EXT2: variants seen among roughly 807,000 people sequenced by gnomAD.
EXT2 encodes the protein exostosin glycosyltransferase 2.
A neutral mutation model predicts 81.6 loss-of-function variants in EXT2; 53 were observed. The observed-to-expected ratio is 0.65, with a 90% CI of 0.52 to 0.82. EXT2 has a LOEUF of 0.82. Among genes scored for constraint, EXT2 ranks in the 40% least tolerant of loss-of-function variants. The pLI is 0.00. For synonymous variants in EXT2, 320 were observed against 340.0 expected (o/e 0.94, Z 0.65); for missense variants, 774 against 910.2 (o/e 0.85, Z 1.93).
Position 44,206,253 on chromosome 11 carries a change from C to T in EXT2, c.1496-540C>T, listed in dbSNP as rs566244877. On this transcript the variant is annotated intron_variant, in intron 9 of 13. Transcript: ENST00000533608. Reference sequence around the variant, plus strand: ...GACTGCATGATGGAGGTGGGCACGTCGGGGACCTTCGGCACATGCACTATA... The same window carrying T: ...GACTGCATGATGGAGGTGGGCACGTTGGGGACCTTCGGCACATGCACTATA... Among the ~76,000 whole-genome samples the T allele has an allele frequency of 1.1e-4, 17 of 152,290 alleles. No homozygotes were observed. In the East Asian group the frequency reaches 1.2e-3, roughly 10 times the overall value.
At position 44,248,520 on chromosome 11, in the gene EXT2, G is replaced by C. The variant is rs538084936; in HGVS notation, c.*4233G>C. On this transcript the variant is annotated 3_prime_UTR_variant, in exon 14 of 14. Transcript: ENST00000533608. ...CTGAGTAGAATCAAGGGCAGCATTT[G>C]GTCCCATTATACCAGCCATGCATCA... Among the ~76,000 whole-genome samples, 3 of 152,292 alleles carry C rather than the reference G, an allele frequency of 2.0e-5. No homozygotes were observed. The highest frequency in any genetic ancestry group is 4.1e-4 in the South Asian group (2 of 4,820).
At chr11:44,185,747 A>G (rs944604928) in intron 8 of EXT2, among the ~76,000 whole-genome samples, 2 of 152,172 alleles carry the variant, frequency 1.3e-5, no homozygotes, top group African/African-American at 2.4e-5. Context: ...TGGATGCCAT[A>G]AGCTGTAATT....
intron 5 of EXT2, among the ~76,000 whole-genome samples, 188 bp downstream of exon 5, chr11:44,125,172 G>A (rs1025940356): frequency 7.2e-5 from 11 of 152,140 alleles, no homozygotes; most frequent in African/African-American, 2.7e-4. Context: ...TCTTGTGTTC[G>A]TGCAAAGCTG....
chr11:44,209,637 T>G (rs191395538), intron 10 of EXT2, among the ~76,000 whole-genome samples: 127 of 152,312 alleles, frequency 8.3e-4, no homozygotes, highest in African/African-American at 3.0e-3. Flanking sequence ...AGGGGAGTTA[T>G]ATTGGATCCC....
At chr11:44,183,148 G>A (rs555041555) in intron 8 of EXT2, among the ~76,000 whole-genome samples, 1 of 152,326 alleles carries the variant, frequency 6.6e-6, no homozygotes, top group South Asian at 2.1e-4. Flanking sequence ...AACACATGAT[G>A]TCAATTTGTC....
At chr11:44,116,536 G>A (rs529045602) in intron 4 of EXT2, 3 of 152,338 alleles carry the variant, frequency 2.0e-5, no homozygotes, top group Admixed American at 6.5e-5. Context: ...GAGCAGAACT[G>A]CTGGGTCATA....
intron 1 of EXT2, among the ~76,000 whole-genome samples, chr11:44,102,223 T>C (rs1264932135): frequency 2.0e-5 from 3 of 152,204 alleles, no homozygotes; most frequent in Non-Finnish European, 2.9e-5. Flanking sequence ...TAGACCTTTA[T>C]AGGGCTGTTG....
At chr11:44,240,940 G>A (rs1379334933) in intron 13 of EXT2, among the ~76,000 whole-genome samples, 1 of 152,142 alleles carries the variant, frequency 6.6e-6, no homozygotes, top group Non-Finnish European at 1.5e-5. Context: ...GAGTAGCTGG[G>A]ATTATAAATA....
chr11:44,108,030 G>GTATATC lies in EXT2; in HGVS notation c.322_327dup (p.Ile108_Tyr109dup). On this transcript the variant is annotated inframe_insertion, in exon 2 of 14. Transcript: ENST00000533608. ...TCAACCCAAAGAACAAAATCAAGGTGTATATCTATGCTCTGAAAAAGTACG... is the reference window on the plus strand; with the variant it reads ...TCAACCCAAAGAACAAAATCAAGGTGTATATCTATATCTATGCTCTGAAAAAGTACG... 1 of 1,614,156 alleles carries GTATATC rather than the reference G, an allele frequency of 6.2e-7. No homozygotes were observed.
intron 7 of EXT2, among the ~76,000 whole-genome samples, chr11:44,148,540 G>A (rs577500672): frequency 6.6e-5 from 10 of 152,264 alleles, no homozygotes; most frequent in African/African-American, 2.4e-4. Flanking sequence ...AGCAGGACCA[G>A]TAAACCCCCA....
intron 8 of EXT2, among the ~76,000 whole-genome samples, chr11:44,195,476 T>A (rs1955445078): frequency 6.6e-6 from 1 of 152,048 alleles, no homozygotes; most frequent in Non-Finnish European, 1.5e-5. Flanking sequence ...CTATTGTGTC[T>A]CTTGGTTGTG....
At chr11:44,211,456 A>G (rs78876515) in intron 10 of EXT2, among the ~76,000 whole-genome samples, 1 of 152,372 alleles carries the variant, frequency 6.6e-6, no homozygotes, top group African/African-American at 2.4e-5. Context: ...TGAAAAAAGA[A>G]TGAAATTTTG....
chr11:44,166,953 G>C (rs867139591), intron 7 of EXT2, among the ~76,000 whole-genome samples: 1 of 152,172 alleles, frequency 6.6e-6, no homozygotes, highest in Non-Finnish European at 1.5e-5. Context: ...AATTATAAAA[G>C]TTTATTTAAA....
intron 10 of EXT2, among the ~76,000 whole-genome samples, chr11:44,224,095 T>C (rs1338800577): frequency 1.3e-5 from 2 of 152,224 alleles, no homozygotes; most frequent in Non-Finnish European, 2.9e-5. Context: ...GTAAAGCGTA[T>C]ACAGGCTCTC....
At chr11:44,187,089 C>T (rs975882995) in intron 8 of EXT2, among the ~76,000 whole-genome samples, 24 of 140,928 alleles carry the variant, frequency 1.7e-4, no homozygotes, top group African/African-American at 5.9e-4. Context: ...TCCCTCCCTT[C>T]TGCAGCGGCA....
chr11:44,171,278 A>G (rs969520407), intron 7 of EXT2, among the ~76,000 whole-genome samples: 1 of 152,250 alleles, frequency 6.6e-6, no homozygotes, highest in Admixed American at 6.5e-5. Flanking sequence ...TGAGCTGTAC[A>G]CAAGATTTGT....
At chr11:44,179,787 G>T (rs985437407) in intron 8 of EXT2, among the ~76,000 whole-genome samples, 4 of 152,102 alleles carry the variant, frequency 2.6e-5, no homozygotes, top group African/African-American at 9.7e-5. Flanking sequence ...TAATAAATGG[G>T]TCATTACAGC....
At position 44,114,230 on chromosome 11, in the gene EXT2, A is replaced by G. The variant is rs1954188664; in HGVS notation, c.672A>G (p.Gln224=). Residue 224 remains glutamine, a synonymous_variant, in exon 4 of 14, where the codon CAA becomes CAG. Coordinates refer to ENST00000533608, the MANE Select transcript of EXT2 (RefSeq NM_207122.2). ...GCTTTTCTACGTGGACTTACCGGCA[A>G]GGCTACGATGTCAGCATTCCTGTCT... ...GGGFSTWTYR[Q]GYDVSIPVYS... 6.2e-7 allele frequency: 1 copy of G among 1,613,996 alleles called. No individual in the cohort carries two copies. The highest frequency in any genetic ancestry group is 1.3e-5 in the African/African-American group (1 of 74,900).
chr11:44,244,057 C>A, intron 13 of EXT2, 92 bp from the exon 14 acceptor site: 2 of 1,198,652 alleles, frequency 1.7e-6, no homozygotes, highest in Non-Finnish European at 2.5e-6. Context: ...TGTTATCTCT[C>A]AACCTCTTGA....
Sources: gnomAD v4.1 joint callset for allele counts (sites outside exome capture counted in the v4.1 genomes callset) on GRCh38, gnomAD v4.1.1 for gene constraint, MANE v1.5 for transcripts, NCBI Gene and HGNC (gene_info 2026-07-23, HGNC 2026-07-21) for gene names.